Variants in MPP7 observed in about 807,000 individuals in gnomAD.
MPP7 encodes the protein MAGUK p55 scaffold protein 7.
In MPP7, 60 loss-of-function variants were observed where a neutral mutation model predicts 76.5. The observed-to-expected ratio is 0.78, with a 90% confidence interval of 0.64 to 0.97. The LOEUF (loss-of-function observed/expected upper bound fraction) is 0.97, where lower values mean the gene tolerates loss of function less well. MPP7 is among the 50% of genes least tolerant of loss of function. The pLI, the probability that MPP7 is intolerant of heterozygous loss-of-function variation, is 0.00. For missense variants in MPP7, 641 were observed against 694.0 expected (o/e 0.92, Z 0.86); for synonymous variants, 237 against 244.5 (o/e 0.97, Z 0.29).
intron 3 of MPP7, among the ~76,000 whole-genome samples, chr10:28,191,239 C>T (rs1837402656): frequency 6.6e-6 from 1 of 152,052 alleles, no homozygotes; most frequent in African/African-American, 2.4e-5. Flanking sequence ...GCAATCTCTT[C>T]CAGAAAGAAA....
chr10:28,312,284 T>C (rs555907408), intron 2 of MPP7, among the ~76,000 whole-genome samples: 45 of 152,314 alleles, frequency 3.0e-4, no homozygotes, highest in African/African-American at 1.0e-3. Context: ...CTCCTGCTGA[T>C]TGGTTGTGTT....
At chr10:28,153,654 T>G (rs1013120988) in intron 3 of MPP7, among the ~76,000 whole-genome samples, 4 of 152,214 alleles carry the variant, frequency 2.6e-5, no homozygotes, top group Non-Finnish European at 5.9e-5. Flanking sequence ...AATAAATGTT[T>G]AATTTTAGTG....
At chr10:28,077,082 CAAAA>C (rs10577715) in intron 12 of MPP7, among the ~76,000 whole-genome samples, 1 of 107,102 alleles carries the variant, frequency 9.3e-6, no homozygotes, top group Non-Finnish European at 2.3e-5. Context: ...TCTCTAACTA[CAAAA>C]AAAAAAAAAA....
At chr10:28,158,076 C>T (rs1836129422) in intron 3 of MPP7, among the ~76,000 whole-genome samples, 1 of 152,128 alleles carries the variant, frequency 6.6e-6, no homozygotes, top group African/African-American at 2.4e-5. Flanking sequence ...GATAAGTGGA[C>T]ATATAAATCC....
rs1406493158 is a variant in MPP7 at position 28,051,885 on chromosome 10, C to T, written c.*2180G>A. 1.7e-5 allele frequency: 2 copies of T among 119,040 alleles called. No individual in the cohort carries two copies. Among genetic ancestry groups the T allele is most frequent in the African/African-American group, 5.7e-5 (2 of 34,940 alleles). 7.4% of individuals were successfully genotyped at this position (119,040 alleles called of 1,614,324 possible). ...TGAGCAACATGGCAAGACCCTGTCT[C>T]AAAAAAAAAAAAAAAAGTATACTAC... On this transcript the variant is annotated 3_prime_UTR_variant, in exon 17 of 17. Coordinates refer to ENST00000683449, the MANE Select transcript of MPP7 (RefSeq NM_001318170.2).
intron 11 of MPP7, among the ~76,000 whole-genome samples, chr10:28,103,098 T>G (rs533641851): frequency 4.6e-5 from 7 of 151,984 alleles, no homozygotes; most frequent in African/African-American, 1.7e-4. Flanking sequence ...TTGTGCACAA[T>G]GCGTCCTGTC....
chr10:28,108,605 C>T (rs1444537549), intron 11 of MPP7, among the ~76,000 whole-genome samples: 1 of 151,626 alleles, frequency 6.6e-6, no homozygotes, highest in Non-Finnish European at 1.5e-5. Flanking sequence ...TGCAGAGAGC[C>T]GAGATCATGC....
At chr10:28,301,566 G>A (rs1841156129) in intron 1 of MPP7, among the ~76,000 whole-genome samples, 1 of 152,164 alleles carries the variant, frequency 6.6e-6, no homozygotes, top group African/African-American at 2.4e-5. Context: ...TGGCTTGATG[G>A]CGGGAATCTT....
intron 1 of MPP7, among the ~76,000 whole-genome samples, chr10:28,251,104 C>T (rs1043628146): frequency 6.6e-6 from 1 of 152,134 alleles, no homozygotes; most frequent in Non-Finnish European, 1.5e-5. Context: ...TAAAAATAAA[C>T]ACCCAACATT....
chr10:28,331,230 T>C (rs2133193168), intron 1 of MPP7, among the ~76,000 whole-genome samples: 2 of 152,304 alleles, frequency 1.3e-5, no homozygotes, highest in South Asian at 4.1e-4. Flanking sequence ...CCCATCTCAG[T>C]GGCTACTCAT....
At chr10:28,199,927 A>C (rs542111756) in intron 3 of MPP7, among the ~76,000 whole-genome samples, 1 of 152,130 alleles carries the variant, frequency 6.6e-6, no homozygotes, top group Admixed American at 6.6e-5. Flanking sequence ...AACAACTATG[A>C]AAATTCTGTA....
At chr10:28,168,241 G>T (rs1205863124) in intron 3 of MPP7, among the ~76,000 whole-genome samples, 2 of 151,812 alleles carry the variant, frequency 1.3e-5, no homozygotes, top group East Asian at 3.9e-4. Flanking sequence ...TCTAAAAAAA[G>T]ATTATATTTT....
At position 28,086,089 on chromosome 10, in the gene MPP7, T is replaced by C. The variant is rs910580420; in HGVS notation, c.1123+3582A>G. On this transcript the variant is annotated intron_variant, in intron 12 of 16. Coordinates refer to ENST00000683449, the MANE Select transcript of MPP7 (RefSeq NM_001318170.2). ...TCACTTATAAGTGGAAGTTGAACAA[T>C]GAGAACACATGGACACAGAGAGGGG... is the stretch of plus-strand genomic sequence containing the variant. Among the ~76,000 whole-genome samples, 10 of 151,958 alleles carry C rather than the reference T, an allele frequency of 6.6e-5. No individual in the cohort carries two copies. In the South Asian group the frequency reaches 1.0e-3, roughly 16 times the overall value.
chr10:28,182,989 A>T (rs756839769), intron 3 of MPP7, among the ~76,000 whole-genome samples: 2 of 152,206 alleles, frequency 1.3e-5, no homozygotes, highest in Non-Finnish European at 2.9e-5. Context: ...GAGGCAAGAG[A>T]ATCGCTTGAA....
intron 1 of MPP7, among the ~76,000 whole-genome samples, chr10:28,247,401 T>C (rs1839471701): frequency 6.6e-6 from 1 of 152,232 alleles, no homozygotes; most frequent in Admixed American, 6.5e-5. Context: ...AGGACAGCAC[T>C]AAAAAGTTAA....
chr10:28,285,929 A>C (rs566629080), intron 1 of MPP7, among the ~76,000 whole-genome samples: 16 of 152,232 alleles, frequency 1.1e-4, no homozygotes, highest in African/African-American at 3.9e-4. Context: ...CTTTGTGATT[A>C]TCTTCATCTT....
rs539122380 is a variant in MPP7, at chr10:28,146,987, G to A, written c.315+496C>T. Among the ~76,000 whole-genome samples, 467 of 152,168 alleles carry A rather than the reference G, an allele frequency of 3.1e-3. 2 individuals are homozygous for A. Among genetic ancestry groups the A allele is most frequent in the Middle Eastern group, 0.014 (4 of 294 alleles). Reference sequence around the variant, plus strand: ...TGAAATCTGTCTGCCAATATTTTATGGGTATTTTACACTGGAAAAGTGCTC... The same window carrying A: ...TGAAATCTGTCTGCCAATATTTTATAGGTATTTTACACTGGAAAAGTGCTC... On this transcript the variant is annotated intron_variant, in intron 5 of 16. Transcript: ENST00000683449.
At chr10:28,161,468 T>C (rs1836261899) in intron 3 of MPP7, among the ~76,000 whole-genome samples, 1 of 152,022 alleles carries the variant, frequency 6.6e-6, no homozygotes, top group Non-Finnish European at 1.5e-5. Flanking sequence ...CTTTTTTCAA[T>C]AGAACATGAA....
chr10:28,137,382 G>A (rs1344482575), intron 5 of MPP7, among the ~76,000 whole-genome samples: 1 of 152,126 alleles, frequency 6.6e-6, no homozygotes, highest in Admixed American at 6.5e-5. Context: ...TGGAAATGTG[G>A]GTCCATACAG....
Sources: gnomAD v4.1 joint callset for allele counts (sites outside exome capture counted in the v4.1 genomes callset) on GRCh38, gnomAD v4.1.1 for gene constraint, MANE v1.5 for transcripts, NCBI Gene and HGNC (gene_info 2026-07-23, HGNC 2026-07-21) for gene names.